Variants in CKAP5 observed in about 807,000 individuals in gnomAD.
The protein encoded by CKAP5 is cytoskeleton-associated protein 5.
Under a neutral mutation model 232.8 loss-of-function variants are expected in CKAP5, and 27 were observed. The ratio of observed to expected loss-of-function variants is 0.12; its 90% CI spans 0.09 to 0.16. CKAP5 has a LOEUF of 0.16. CKAP5 is among the 10% of genes least tolerant of loss of function. CKAP5 has a pLI of 1.00. For missense variants in CKAP5, 1,838 were observed against 2,424.7 expected (o/e 0.76, Z 5.08); for synonymous variants, 785 against 841.1 (o/e 0.93, Z 1.16).
Position 46,744,508 on chromosome 11 carries a change from G to A in CKAP5, c.5774C>T (p.Thr1925Ile). ...AGATGGCCCCACTTCTTCCCCATTT[G>A]TGTTACCTATGGAGGACACTGTGCT... ...PTSTVSSIGN[T>I]NGEEVGPSVY... Residue 1925 changes from threonine to isoleucine, a missense_variant, in exon 43 of 44, where the codon ACA (threonine) becomes ATA (isoleucine). Thr to Ile is a moderately conservative substitution (Grantham distance 89). This residue lies in a region of CKAP5 where 579 missense variants were observed against 843.2 expected (regional missense o/e 0.69). Coordinates refer to ENST00000529230, the MANE Select transcript of CKAP5 (RefSeq NM_001008938.4). The A allele has an allele frequency of 6.2e-7, 1 of 1,614,114 alleles. No individual in the cohort carries two copies. The highest frequency in any genetic ancestry group is 8.5e-7 in the Non-Finnish European group (1 of 1,180,022).
At chr11:46,797,016 G>C in intron 11 of CKAP5, 76 bp from the exon 12 acceptor site, 1 of 1,505,712 alleles carries the variant, frequency 6.6e-7, no homozygotes, top group Non-Finnish European at 9.1e-7. Flanking sequence ...CAGACTGATG[G>C]TTGCTAGATA....
chr11:46,744,640 G>A, intron 42 of CKAP5, 63 bp from the exon 43 acceptor site: 1 of 1,446,542 alleles, frequency 6.9e-7, no homozygotes, highest in South Asian at 1.3e-5. Flanking sequence ...AAAGTGCCTT[G>A]GTTAATCTCC....
intron 24 of CKAP5, among the ~76,000 whole-genome samples, chr11:46,773,486 T>C (rs1592448127): frequency 6.6e-6 from 1 of 151,400 alleles, no homozygotes; most frequent in African/African-American, 2.4e-5. Context: ...TGACCTCAGG[T>C]GATCCACCCA....
intron 24 of CKAP5, among the ~76,000 whole-genome samples, chr11:46,772,261 T>C (rs1234472617): frequency 6.6e-6 from 1 of 152,104 alleles, no homozygotes; most frequent in African/African-American, 2.4e-5. Context: ...TGTAGCTTGT[T>C]TTATTATTTT....
At chr11:46,795,546 G>A in intron 13 of CKAP5, 48 bp downstream of exon 13, 1 of 1,487,436 alleles carries the variant, frequency 6.7e-7, no homozygotes, top group Non-Finnish European at 9.1e-7. Context: ...ACGAACCTGA[G>A]ACTCAGACCC....
chr11:46,758,652 T>C, intron 35 of CKAP5: 1 of 287,532 alleles, frequency 3.5e-6, no homozygotes, highest in Non-Finnish European at 6.4e-6. Context: ...GCTATGATAG[T>C]GCCTGTGAAT....
intron 20 of CKAP5, among the ~76,000 whole-genome samples, chr11:46,778,833 G>A (rs975612952): frequency 5.9e-5 from 9 of 152,200 alleles, no homozygotes; most frequent in Non-Finnish European, 1.3e-4. Context: ...CCAGTACTTT[G>A]GGAGGCCAAG....
intron 38 of CKAP5, among the ~76,000 whole-genome samples, chr11:46,752,161 CATATATATATATATAT>C (rs142364564): frequency 0.031 from 2,796 of 88,822 alleles, 66 homozygotes; most frequent in Middle Eastern, 0.048. Flanking sequence ...AAGACCAATT[CATATATATATATATAT>C]ATATATATAT....
At chr11:46,755,923 C>T (rs745650086) in intron 35 of CKAP5, among the ~76,000 whole-genome samples, 65 of 151,982 alleles carry the variant, frequency 4.3e-4, no homozygotes, top group Non-Finnish European at 8.7e-4. Context: ...AGCGAGACTC[C>T]GTCTCAGAAA....
intron 5 of CKAP5, among the ~76,000 whole-genome samples, chr11:46,810,264 G>C (rs939442388): frequency 2.0e-5 from 3 of 152,116 alleles, no homozygotes; most frequent in Non-Finnish European, 2.9e-5. Context: ...AAGCCACCGT[G>C]CCTGGCCTCT....
chr11:46,822,759 A>G (rs1334370126), intron 1 of CKAP5, among the ~76,000 whole-genome samples: 2 of 151,138 alleles, frequency 1.3e-5, no homozygotes, highest in East Asian at 1.9e-4. Flanking sequence ...AAAAAAAAAA[A>G]AAAAAGAAAG....
intron 40 of CKAP5, among the ~76,000 whole-genome samples, chr11:46,750,817 T>A (rs2065058780): frequency 6.6e-6 from 1 of 152,212 alleles, no homozygotes; most frequent in Admixed American, 6.5e-5. Flanking sequence ...GATTTCCACC[T>A]CAACTTGATG....
chr11:46,844,858 G>A (rs1237480998), intron 1 of CKAP5, among the ~76,000 whole-genome samples: 1 of 152,032 alleles, frequency 6.6e-6, no homozygotes, highest in Admixed American at 6.5e-5. Flanking sequence ...GTTTCACCAT[G>A]TTGGCCCGAC....
intron 24 of CKAP5, 110 bp from the exon 25 acceptor site, chr11:46,771,092 C>A: frequency 1.2e-6 from 1 of 823,016 alleles, no homozygotes. Flanking sequence ...AGCTTTCACA[C>A]TATAACTTTC....
intron 7 of CKAP5, 29 bp downstream of exon 7, chr11:46,809,371 T>C (rs752998649): frequency 7.3e-7 from 1 of 1,378,986 alleles, no homozygotes; most frequent in South Asian, 1.2e-5. Context: ...TTACAAGAAA[T>C]AAATGAAAGA....
chr11:46,830,920 C>A (rs1324311002), intron 1 of CKAP5, among the ~76,000 whole-genome samples: 1 of 151,982 alleles, frequency 6.6e-6, no homozygotes, highest in African/African-American at 2.4e-5. Context: ...AAAAAATTAG[C>A]CGGGCATGGT....
intron 1 of CKAP5, among the ~76,000 whole-genome samples, chr11:46,825,467 G>C (rs982622491): frequency 3.3e-5 from 5 of 152,120 alleles, no homozygotes; most frequent in Non-Finnish European, 5.9e-5. Flanking sequence ...TAGTCTATAA[G>C]AGTAATTACA....
intron 2 of CKAP5, among the ~76,000 whole-genome samples, chr11:46,819,657 A>C (rs1939483246): frequency 6.6e-6 from 1 of 152,176 alleles, no homozygotes. Flanking sequence ...TGTAATTGAA[A>C]ATGTAATTGA....
At chr11:46,812,342 A>T (rs545273914) in intron 4 of CKAP5, among the ~76,000 whole-genome samples, 1 of 152,276 alleles carries the variant, frequency 6.6e-6, no homozygotes, top group Middle Eastern at 3.4e-3. Flanking sequence ...CTCAAAAAAA[A>T]AATAAAATTA....
Sources: gnomAD v4.1 joint callset for allele counts (sites outside exome capture counted in the v4.1 genomes callset) on GRCh38, gnomAD v4.1.1 for gene constraint, gnomAD v4.1.1 regional missense constraint, MANE v1.5 for transcripts, NCBI Gene and HGNC (gene_info 2026-07-23, HGNC 2026-07-21) for gene names.